Variants in DLGAP2 observed in about 807,000 individuals in gnomAD.
The protein encoded by DLGAP2 is disks large-associated protein 2.
Under a neutral mutation model 100.3 loss-of-function variants are expected in DLGAP2, and 26 were observed. That is an observed-to-expected ratio of 0.26 (90% CI 0.19 to 0.36). The LOEUF is 0.36. Ranked by LOEUF, DLGAP2 falls within the 10% of genes least tolerant of loss-of-function variation. The probability of loss-of-function intolerance (pLI) is 1.00; values close to 1 mark genes in which losing one functional copy is unlikely to be tolerated. For synonymous variants in DLGAP2, 886 were observed against 630.1 expected (o/e 1.41, Z -6.08); for missense variants, 1,858 against 1,453.2 (o/e 1.28, Z -4.53).
intron 1 of DLGAP2, among the ~76,000 whole-genome samples, chr8:851,827 G>A (rs1356385344): frequency 6.6e-6 from 1 of 152,142 alleles, no homozygotes. Context: ...AGCAGTGACT[G>A]TTCCGTGACT....
chr8:1,364,501 G>T (rs929049674), intron 3 of DLGAP2, among the ~76,000 whole-genome samples: 8 of 137,532 alleles, frequency 5.8e-5, no homozygotes, highest in African/African-American at 2.0e-4. Context: ...CATGGGAAGG[G>T]CGGGGGGGGT....
At chr8:1,161,569 G>T (rs1007371172) in intron 2 of DLGAP2, among the ~76,000 whole-genome samples, 1 of 152,284 alleles carries the variant, frequency 6.6e-6, no homozygotes, top group Non-Finnish European at 1.5e-5. Context: ...TAGAAAATCG[G>T]CGCCTTCCCA....
At chr8:1,280,461 T>C (rs1799793455) in intron 3 of DLGAP2, among the ~76,000 whole-genome samples, 1 of 152,178 alleles carries the variant, frequency 6.6e-6, no homozygotes, top group African/African-American at 2.4e-5. Flanking sequence ...GCCACTAGCG[T>C]TTTTAAACAG....
At chr8:1,333,381 T>C (rs1361140536) in intron 3 of DLGAP2, among the ~76,000 whole-genome samples, 1 of 152,172 alleles carries the variant, frequency 6.6e-6, no homozygotes, top group Non-Finnish European at 1.5e-5. Flanking sequence ...GAAGAGGTTT[T>C]GCTGCCATAT....
chr8:1,079,142 G>A (rs1351783666), intron 2 of DLGAP2, among the ~76,000 whole-genome samples: 1 of 152,126 alleles, frequency 6.6e-6, no homozygotes, highest in Non-Finnish European at 1.5e-5. Context: ...GCATTTCTTT[G>A]GTGAGAAGTG....
intron 2 of DLGAP2, among the ~76,000 whole-genome samples, chr8:1,125,778 A>G (rs1796149948): frequency 6.6e-6 from 1 of 152,254 alleles, no homozygotes; most frequent in African/African-American, 2.4e-5. Context: ...ATTTGAAAGC[A>G]AAACATTGCA....
chr8:1,173,233 C>T (rs1418054375), intron 2 of DLGAP2, among the ~76,000 whole-genome samples: 2 of 152,138 alleles, frequency 1.3e-5, no homozygotes, highest in Non-Finnish European at 2.9e-5. Flanking sequence ...CCTGATCGTT[C>T]TTCTGGAAGT....
intron 1 of DLGAP2, among the ~76,000 whole-genome samples, chr8:750,371 C>A (rs1055804552): frequency 6.6e-6 from 1 of 152,162 alleles, no homozygotes; most frequent in African/African-American, 2.4e-5. Flanking sequence ...AGAAATGGAT[C>A]GATTGATCTA....
intron 3 of DLGAP2, among the ~76,000 whole-genome samples, chr8:1,352,421 A>T (rs537849556): frequency 2.1e-4 from 32 of 152,168 alleles, no homozygotes; most frequent in African/African-American, 7.5e-4. Context: ...CTCTCCCTGT[A>T]CCTGCCCTTC....
chr8:1,585,097 C>A (rs1796075192), intron 6 of DLGAP2, among the ~76,000 whole-genome samples: 1 of 152,156 alleles, frequency 6.6e-6, no homozygotes, highest in South Asian at 2.1e-4. Flanking sequence ...TTTTGGCCTG[C>A]TACAACTGAT....
intron 3 of DLGAP2, among the ~76,000 whole-genome samples, chr8:1,372,232 TGGTGCCAACGCTGGGACGCTGGTCACC>T (rs1802257066): frequency 3.4e-5 from 3 of 88,116 alleles, no homozygotes; most frequent in African/African-American, 1.2e-4. Flanking sequence ...CTGGTCACCG[TGGTGCCAACGCTGGGACGCTGGTCACC>T]GTGCTGCCAA....
intron 3 of DLGAP2, among the ~76,000 whole-genome samples, chr8:1,354,542 C>G (rs186887998): frequency 5.3e-5 from 8 of 152,058 alleles, no homozygotes; most frequent in Admixed American, 4.6e-4. Context: ...AAAGAAAATA[C>G]CTTGGAATGA....
chr8:1,008,380 T>C (rs7000482), intron 2 of DLGAP2, among the ~76,000 whole-genome samples: 59,086 of 151,752 alleles, frequency 0.39, 11,734 homozygotes, highest in African/African-American at 0.46. Context: ...AAACTGGTAT[T>C]GATTTTGCAG....
chr8:1,074,765 G>T (rs747681535), intron 2 of DLGAP2, among the ~76,000 whole-genome samples: 3 of 152,176 alleles, frequency 2.0e-5, no homozygotes, highest in African/African-American at 4.8e-5. Flanking sequence ...TTTTTTAGAA[G>T]TCATCTGGTG....
At chr8:1,677,230 G>A (rs759462132) in intron 11 of DLGAP2, among the ~76,000 whole-genome samples, 8 of 152,090 alleles carry the variant, frequency 5.3e-5, no homozygotes, top group East Asian at 1.9e-4. Context: ...ATCAGGGAGC[G>A]TTTTAGCACC....
At chr8:1,331,111 A>C (rs1015580245) in intron 3 of DLGAP2, among the ~76,000 whole-genome samples, 1 of 152,200 alleles carries the variant, frequency 6.6e-6, no homozygotes, top group African/African-American at 2.4e-5. Context: ...CTGGGTACTC[A>C]TGCACGCTTT....
At position 1,702,676 on chromosome 8, in the gene DLGAP2, A is replaced by G. The variant is rs1799607294; in HGVS notation, c.*1270A>G. 6.6e-6 allele frequency: 1 copy of G among 152,064 alleles called. No homozygotes were observed. Among genetic ancestry groups the G allele is most frequent in the Non-Finnish European group, 1.5e-5 (1 of 68,008 alleles). 9.4% of individuals were successfully genotyped at this position (152,064 alleles called of 1,614,324 possible). A position where few individuals can be genotyped will look rare whatever the true frequency, so the allele number is the denominator to read the frequency against. On this transcript the variant is annotated 3_prime_UTR_variant, in exon 15 of 15. Coordinates refer to ENST00000637795, the MANE Select transcript of DLGAP2 (RefSeq NM_001346810.2). Reference sequence around the variant, plus strand: ...TCGGTGCCAGAGGAAAATAGGAACGACTCTAATTAATAGGCTTTCTGTGTA... The same window carrying G: ...TCGGTGCCAGAGGAAAATAGGAACGGCTCTAATTAATAGGCTTTCTGTGTA...
chr8:857,202 C>G (rs780074385), intron 1 of DLGAP2, among the ~76,000 whole-genome samples: 2 of 152,206 alleles, frequency 1.3e-5, no homozygotes, highest in Non-Finnish European at 2.9e-5. Flanking sequence ...ACCTTACACC[C>G]TTTACAAAAT....
At chr8:1,436,163 C>A (rs1797619093) in intron 3 of DLGAP2, among the ~76,000 whole-genome samples, 1 of 152,180 alleles carries the variant, frequency 6.6e-6, no homozygotes, top group Non-Finnish European at 1.5e-5. Flanking sequence ...AAGCCGTCTG[C>A]AAGCTGAGGA....
Sources: allele counts gnomAD v4.1 joint callset (sites outside exome capture counted in the v4.1 genomes callset), GRCh38; gene constraint gnomAD v4.1.1; transcripts MANE v1.5; gene names NCBI Gene and HGNC (gene_info 2026-07-23, HGNC 2026-07-21).